The following GALNT2 variants were observed in gnomAD, a reference collection of about 807,000 sequenced individuals.
The protein encoded by GALNT2 is polypeptide N-acetylgalactosaminyltransferase 2.
GALNT2 carries 31 observed loss-of-function variants against 81.4 expected under a neutral mutation model. The observed-to-expected ratio is 0.38, with a 90% CI of 0.29 to 0.51. GALNT2 has a LOEUF of 0.51. Ranked by LOEUF, GALNT2 falls within the 20% of genes least tolerant of loss-of-function variation. The pLI, the probability that GALNT2 is intolerant of heterozygous loss-of-function variation, is 0.87. For missense variants in GALNT2, 629 were observed against 765.7 expected (o/e 0.82, Z 2.11); for synonymous variants, 303 against 287.4 (o/e 1.05, Z -0.55).
At position 230,067,340 on chromosome 1, in the gene GALNT2, C is replaced by A; in HGVS notation, c.60C>A (p.Ala20=). 7.2e-7 allele frequency: 1 copy of A among 1,384,084 alleles called. No individual in the cohort carries two copies. Among genetic ancestry groups the A allele is most frequent in the Admixed American group, 2.6e-5 (1 of 37,972 alleles). The allele number at this position is 1,384,084 out of a possible 1,614,324, so 85.7% of individuals were successfully genotyped here. A position where few individuals can be genotyped will look rare whatever the true frequency, so the allele number is the denominator to read the frequency against. The part of the protein sequence containing the change: ...CFAFLWVLGI[A]YYMYSGGGSA... Reference sequence around the variant, plus strand: ...CCTTCCTGTGGGTGCTGGGCATCGCCTACTACATGTACTCGGGGGGCGGCT... The same window carrying A: ...CCTTCCTGTGGGTGCTGGGCATCGCATACTACATGTACTCGGGGGGCGGCT... Residue 20 remains alanine, a synonymous_variant, in exon 1 of 16, where the codon GCC becomes GCA. Coordinates refer to ENST00000366672, the MANE Select transcript of GALNT2 (RefSeq NM_004481.5).
chr1:230,183,438 A>G (rs1244780064), intron 2 of GALNT2, among the ~76,000 whole-genome samples: 3 of 151,888 alleles, frequency 2.0e-5, no homozygotes, highest in Admixed American at 2.0e-4. Context: ...CAGCATATCT[A>G]TTATGTGTCT....
intron 1 of GALNT2, among the ~76,000 whole-genome samples, chr1:230,088,532 T>A (rs1482771961): frequency 1.3e-5 from 2 of 151,472 alleles, no homozygotes; most frequent in Non-Finnish European, 2.9e-5. Context: ...ACCACTTCTG[T>A]CTAGTTTTTT....
intron 3 of GALNT2, among the ~76,000 whole-genome samples, chr1:230,214,503 CTGT>C (rs1329625311): frequency 6.6e-6 from 1 of 152,192 alleles, no homozygotes; most frequent in African/African-American, 2.4e-5. Context: ...CAGTTGTCTT[CTGT>C]TTTTTGTTGT....
At chr1:230,073,039 A>G (rs1266872414) in intron 1 of GALNT2, among the ~76,000 whole-genome samples, 1 of 152,122 alleles carries the variant, frequency 6.6e-6, no homozygotes, top group African/African-American at 2.4e-5. Flanking sequence ...AGACTGCCTT[A>G]TGGGTGAGGT....
intron 11 of GALNT2, among the ~76,000 whole-genome samples, chr1:230,258,474 C>T (rs1327390438): frequency 6.6e-6 from 1 of 152,010 alleles, no homozygotes; most frequent in Non-Finnish European, 1.5e-5. Context: ...ATCCACCCGC[C>T]TCAGCCTCCC....
At chr1:230,132,799 C>T (rs1464227892) in intron 1 of GALNT2, among the ~76,000 whole-genome samples, 1 of 152,140 alleles carries the variant, frequency 6.6e-6, no homozygotes, top group Admixed American at 6.5e-5. Context: ...TAAGAATATC[C>T]GAGTGTCTAT....
chr1:230,155,722 C>A (rs1479336683), intron 1 of GALNT2, among the ~76,000 whole-genome samples: 2 of 152,234 alleles, frequency 1.3e-5, no homozygotes, highest in Non-Finnish European at 2.9e-5. Context: ...AAGTGCATAG[C>A]ACAAAGGACC....
intron 1 of GALNT2, among the ~76,000 whole-genome samples, chr1:230,145,740 G>C (rs1661895879): frequency 6.6e-6 from 1 of 152,226 alleles, no homozygotes; most frequent in African/African-American, 2.4e-5. Context: ...ACGTCAGGCA[G>C]GCCCAGAACG....
chr1:230,262,719 GT>G, intron 12 of GALNT2, 54 bp downstream of exon 12: 1 of 1,444,880 alleles, frequency 6.9e-7, no homozygotes, highest in Non-Finnish European at 9.7e-7. Flanking sequence ...GGGTGTGGGG[GT>G]GGGAGGTAAG....
rs761791411 is a variant in GALNT2 at position 230,236,642 on chromosome 1, C to T, written c.542-18C>T. On this transcript the variant is annotated intron_variant, in intron 5 of 15. Transcript: ENST00000366672. Reference sequence around the variant, plus strand: ...TGAACTCCAGGTTCAAAATGCTCTGCTTCTTTTCTTTTCCTAGCTGAGGAC... The same window carrying T: ...TGAACTCCAGGTTCAAAATGCTCTGTTTCTTTTCTTTTCCTAGCTGAGGAC... 3.7e-6 allele frequency: 6 copies of T among 1,606,822 alleles called. No individual in the cohort carries two copies. Among genetic ancestry groups the T allele is most frequent in the Admixed American group, 1.7e-5 (1 of 57,778 alleles).
At chr1:230,201,323 C>T (rs1294296751) in intron 2 of GALNT2, among the ~76,000 whole-genome samples, 3 of 152,142 alleles carry the variant, frequency 2.0e-5, no homozygotes, top group South Asian at 2.1e-4. Flanking sequence ...ACTTCTGTGA[C>T]ACCCCCCAAG....
intron 1 of GALNT2, among the ~76,000 whole-genome samples, chr1:230,123,518 G>C (rs1162863347): frequency 2.0e-5 from 3 of 152,134 alleles, no homozygotes; most frequent in Non-Finnish European, 4.4e-5. Context: ...CTGTGTGTGT[G>C]TTGCCCGCAC....
chr1:230,189,051 G>A lies in GALNT2; in HGVS notation c.220+10740G>A, dbSNP rs555027868. Among the ~76,000 whole-genome samples, 150 of 152,282 alleles carry A rather than the reference G, an allele frequency of 9.9e-4. 1 individual carries two copies. The highest frequency in any genetic ancestry group is 3.4e-3 in the African/African-American group (143 of 41,554). ...GCAGGGGCAGCTGTAGGGGCTAGAA[G>A]GCCGAGGTCTGCCTCTGAGGACAGC... On this transcript the variant is annotated intron_variant, in intron 2 of 15. Transcript: ENST00000366672.
chr1:230,125,741 T>C (rs192857873), intron 1 of GALNT2, among the ~76,000 whole-genome samples: 91 of 152,202 alleles, frequency 6.0e-4, no homozygotes, highest in African/African-American at 1.7e-3. Flanking sequence ...AGATGAGAAA[T>C]TGTGAGCACT....
intron 1 of GALNT2, among the ~76,000 whole-genome samples, chr1:230,121,946 T>C (rs566443936): frequency 2.4e-5 from 3 of 122,780 alleles, no homozygotes; most frequent in South Asian, 2.7e-4. Context: ...AATACTGTTA[T>C]GCTTTTTTTT....
In GALNT2 at chr1:230,219,669, C is replaced by T. The variant is rs554819316; in HGVS notation, c.375-16345C>T. On this transcript the variant is annotated intron_variant, in intron 3 of 15. Coordinates refer to ENST00000366672, the MANE Select transcript of GALNT2 (RefSeq NM_004481.5). ...TAGCCGGTCCTGCCTCCGCCACCCA[C>T]TTACCTTTCTTGAGACTTCTGACGT... Among the ~76,000 whole-genome samples the T allele has an allele frequency of 3.3e-5, 5 of 152,332 alleles. No individual in the cohort carries two copies. In the South Asian group the frequency reaches 8.3e-4, roughly 25 times the overall value.
intron 10 of GALNT2, 106 bp from the exon 11 acceptor site, chr1:230,255,112 C>A: frequency 6.5e-7 from 1 of 1,533,640 alleles, no homozygotes; most frequent in Non-Finnish European, 9.0e-7. Context: ...CATGGGAGCC[C>A]CATGATGGGA....
chr1:230,236,508 C>T lies in GALNT2; in HGVS notation c.541+88C>T, dbSNP rs986004736. 25 of 1,463,750 alleles carry T rather than the reference C, an allele frequency of 1.7e-5. No homozygotes were observed. The African/African-American group carries it at 3.4e-4, about 20-fold the overall frequency. 90.7% of individuals were successfully genotyped at this position (1,463,750 alleles called of 1,614,324 possible). ...AGTGGGGGTGCTAATGAGGCGTGAA[C>T]AAGCCAGAAATCAGATCCACAGAAA... On this transcript the variant is annotated intron_variant, in intron 5 of 15. Transcript: ENST00000366672.
At chr1:230,231,852 C>T (rs935651768) in intron 3 of GALNT2, among the ~76,000 whole-genome samples, 1 of 152,290 alleles carries the variant, frequency 6.6e-6, no homozygotes, top group South Asian at 2.1e-4. Flanking sequence ...AAAGTCAGCC[C>T]GAAACCCCGC....
Sources: gnomAD v4.1 joint callset for allele counts (sites outside exome capture counted in the v4.1 genomes callset) on GRCh38, gnomAD v4.1.1 for gene constraint, MANE v1.5 for transcripts, NCBI Gene and HGNC (gene_info 2026-07-23, HGNC 2026-07-21) for gene names.